CBFB: variants seen among roughly 807,000 people sequenced by gnomAD.
The protein encoded by CBFB is core-binding factor subunit beta.
Under a neutral mutation model 30.4 loss-of-function variants are expected in CBFB, and 9 were observed. That is an observed-to-expected ratio of 0.30 (90% CI 0.18 to 0.52). The LOEUF is 0.52. Among genes scored for constraint, CBFB ranks in the 20% least tolerant of loss-of-function variants. The pLI is 0.97. For missense variants in CBFB, 170 were observed against 244.0 expected (o/e 0.70, Z 2.02); for synonymous variants, 94 against 84.0 (o/e 1.12, Z -0.65).
chr16:67,074,125 A>C (rs1176104340), intron 4 of CBFB, among the ~76,000 whole-genome samples: 1 of 152,124 alleles, frequency 6.6e-6, no homozygotes, highest in African/African-American at 2.4e-5. Flanking sequence ...TAAGAAAACT[A>C]ACACATGAAT....
intron 5 of CBFB, among the ~76,000 whole-genome samples, chr16:67,092,691 G>A (rs1406695361): frequency 7.8e-6 from 1 of 128,426 alleles, no homozygotes; most frequent in East Asian, 2.1e-4. Flanking sequence ...GGTTACAGTG[G>A]TGCAATCTTT....
At chr16:67,092,698 C>CTCTTTTTTTT (rs1961925973) in intron 5 of CBFB, among the ~76,000 whole-genome samples, 1 of 33,492 alleles carries the variant, frequency 3.0e-5, no homozygotes, top group African/African-American at 1.2e-4. Flanking sequence ...GTGGTGCAAT[C>CTCTTTTTTTT]TTTTTTTTTT....
chr16:67,051,194 T>C (rs1195411321), intron 3 of CBFB, among the ~76,000 whole-genome samples: 1 of 152,172 alleles, frequency 6.6e-6, no homozygotes, highest in African/African-American at 2.4e-5. Context: ...GATAAAAACA[T>C]GTACATTTTA....
intron 5 of CBFB, among the ~76,000 whole-genome samples, chr16:67,082,968 G>T (rs868801502): frequency 6.6e-6 from 1 of 152,046 alleles, no homozygotes; most frequent in African/African-American, 2.4e-5. Flanking sequence ...TTACAACCAC[G>T]GTTTGGTCAA....
chr16:67,058,862 G>A (rs780205509), intron 3 of CBFB, among the ~76,000 whole-genome samples: 6 of 152,148 alleles, frequency 3.9e-5, no homozygotes, highest in Non-Finnish European at 5.9e-5. Context: ...CTTTCCAATC[G>A]AAAGGGATTT....
At chr16:67,071,681 A>G (rs1322368702) in intron 4 of CBFB, among the ~76,000 whole-genome samples, 1 of 152,144 alleles carries the variant, frequency 6.6e-6, no homozygotes, top group African/African-American at 2.4e-5. Flanking sequence ...TCTCCTTCCT[A>G]AGATGGGATA....
At chr16:67,077,407 A>G (rs1360129971) in intron 4 of CBFB, among the ~76,000 whole-genome samples, 1 of 152,236 alleles carries the variant, frequency 6.6e-6, no homozygotes, top group Non-Finnish European at 1.5e-5. Context: ...TACTTTTTAC[A>G]TATGCACAAA....
At chr16:67,037,048 G>A (rs1266543758) in intron 3 of CBFB, among the ~76,000 whole-genome samples, 1 of 151,956 alleles carries the variant, frequency 6.6e-6, no homozygotes, top group African/African-American at 2.4e-5. Context: ...ACAGGTACCC[G>A]CCACCACATC....
At chr16:67,092,696 ATCTTTTTT>A (rs1961924601) in intron 5 of CBFB, among the ~76,000 whole-genome samples, 3 of 94,684 alleles carry the variant, frequency 3.2e-5, no homozygotes, top group South Asian at 3.6e-4. Flanking sequence ...CAGTGGTGCA[ATCTTTTTT>A]TTTTTTTTTT....
In CBFB at chr16:67,099,098, C is replaced by G. The variant is rs1962143479; in HGVS notation, c.*320C>G. On this transcript the variant is annotated 3_prime_UTR_variant, in exon 6 of 6. Transcript: ENST00000412916. ...TTTCTTCCACTTTAATTTAAAAGTT[C>G]ATGTCATTTAAAAACAAGTCAAGAA... 3 of 292,302 alleles carry G rather than the reference C, an allele frequency of 1.0e-5. No homozygotes were observed. The highest frequency in any genetic ancestry group is 1.0e-4 in the Admixed American group (2 of 19,652). The allele number at this position is 292,302 out of a possible 1,614,324, so 18.1% of individuals were successfully genotyped here.
intron 2 of CBFB, among the ~76,000 whole-genome samples, chr16:67,032,705 C>T (rs1966372184): frequency 6.6e-6 from 1 of 152,170 alleles, no homozygotes; most frequent in Admixed American, 6.5e-5. Flanking sequence ...TGAAATTTAT[C>T]TCATGACTTA....
intron 4 of CBFB, among the ~76,000 whole-genome samples, chr16:67,075,550 A>G (rs532465402): frequency 4.0e-5 from 6 of 151,300 alleles, no homozygotes; most frequent in East Asian, 2.0e-4. Flanking sequence ...GCGCATGCAT[A>G]TATGTGTGTG....
At chr16:67,029,579 C>T in intron 1 of CBFB, 94 bp downstream of exon 1, 3 of 1,368,084 alleles carry the variant, frequency 2.2e-6, no homozygotes, top group Non-Finnish European at 3.0e-6. Flanking sequence ...CCGGGAGTCC[C>T]GGTCGGTGCG....
rs1033306223 is a variant in CBFB, at chr16:67,096,832, G to A, written c.496-1878G>A. The stretch of plus-strand genomic sequence containing the variant: ...TACTAAAAATACAAAAAATTAGCTG[G>A]GTGTGGTGGTGGGCGCCTGTAGTCC... On this transcript the variant is annotated intron_variant, in intron 5 of 5. Coordinates refer to ENST00000412916, the MANE Select transcript of CBFB (RefSeq NM_022845.3). 5.7e-4 allele frequency among the ~76,000 whole-genome samples: 86 copies of A among 151,798 alleles called. 1 individual carries two copies. The highest frequency in any genetic ancestry group is 2.0e-3 in the African/African-American group (81 of 41,342).
intron 3 of CBFB, among the ~76,000 whole-genome samples, chr16:67,053,370 C>T (rs1282992172): frequency 6.6e-6 from 1 of 151,048 alleles, no homozygotes; most frequent in Non-Finnish European, 1.5e-5. Context: ...TCTCCTGCCT[C>T]AGCCTCCCGA....
chr16:67,045,084 T>C (rs959518105), intron 3 of CBFB, among the ~76,000 whole-genome samples: 7 of 152,038 alleles, frequency 4.6e-5, no homozygotes, highest in African/African-American at 1.7e-4. Context: ...TTAGAACTGG[T>C]AACTGCAAGC....
intron 4 of CBFB, among the ~76,000 whole-genome samples, chr16:67,076,310 CT>C (rs2145763333): frequency 6.6e-6 from 1 of 152,270 alleles, no homozygotes; most frequent in South Asian, 2.1e-4. Context: ...AGGTCGATCA[CT>C]TGAGCCCAGG....
At chr16:67,057,910 A>AT (rs1960776554) in intron 3 of CBFB, among the ~76,000 whole-genome samples, 1 of 152,140 alleles carries the variant, frequency 6.6e-6, no homozygotes, top group African/African-American at 2.4e-5. Context: ...GTTGTGTTGT[A>AT]TGTTTTAGTA....
intron 4 of CBFB, among the ~76,000 whole-genome samples, chr16:67,067,164 A>G (rs982185845): frequency 1.3e-5 from 2 of 151,890 alleles, no homozygotes; most frequent in Admixed American, 6.6e-5. Context: ...GAGGAGCTCA[A>G]CAAGTCCTCT....
Sources: gnomAD v4.1 joint callset for allele counts (sites outside exome capture counted in the v4.1 genomes callset) on GRCh38, gnomAD v4.1.1 for gene constraint, MANE v1.5 for transcripts, NCBI Gene and HGNC (gene_info 2026-07-23, HGNC 2026-07-21) for gene names.